SHISA9: variants seen among roughly 807,000 people sequenced by gnomAD.
SHISA9 encodes protein shisa-9.
Under a neutral mutation model 38.0 loss-of-function variants are expected in SHISA9, and 13 were observed. The ratio of observed to expected loss-of-function variants is 0.34; its 90% confidence interval spans 0.22 to 0.54. The LOEUF is 0.54. SHISA9 is among the 20% of genes least tolerant of loss of function. SHISA9 has a pLI of 0.91. For synonymous variants in SHISA9, 275 were observed against 242.0 expected (o/e 1.14, Z -1.27); for missense variants, 538 against 575.8 (o/e 0.93, Z 0.67).
In SHISA9 at chr16:13,019,764, T is replaced by TTTTCTTTCTTTCTTTC. The variant is rs548980425; in HGVS notation, c.691+103005_691+103020dup. On this transcript the variant is annotated intron_variant, in intron 2 of 4. Coordinates refer to ENST00000558583, the MANE Select transcript of SHISA9 (RefSeq NM_001145204.3). ...TTTCTTCCTTCTTTTCTTTTCTTTC[T>TTTTCTTTCTTTCTTTC]TTTCTTTCTTTCTTTCTTTCTTTCT... Among the ~76,000 whole-genome samples, 49 of 77,956 alleles carry TTTTCTTTCTTTCTTTC rather than the reference T, an allele frequency of 6.3e-4. 1 individual carries two copies. Among genetic ancestry groups the TTTTCTTTCTTTCTTTC allele is most frequent in the Middle Eastern group, 7.7e-3 (1 of 130 alleles). 51.1% of individuals were successfully genotyped at this position (77,956 alleles called of 152,430 possible).
chr16:13,017,828 A>C (rs1484972588), intron 2 of SHISA9, among the ~76,000 whole-genome samples: 2 of 152,134 alleles, frequency 1.3e-5, no homozygotes, highest in Non-Finnish European at 2.9e-5. Context: ...CTGGTGATCT[A>C]CTCAAGTCTT....
chr16:13,295,326 G>A, the SHISA9 span, among the ~76,000 whole-genome samples: 2 of 152,194 alleles, frequency 1.3e-5, no homozygotes, highest in Non-Finnish European at 2.9e-5. Flanking sequence ...GGTCTGCTTA[G>A]GAGGATTTTA....
chr16:13,266,914 A>C, the SHISA9 span, among the ~76,000 whole-genome samples: 1 of 152,220 alleles, frequency 6.6e-6, no homozygotes, highest in South Asian at 2.1e-4. Context: ...TGATTCTTGC[A>C]TCAGATTCAA....
chr16:13,044,950 G>A (rs1433079036), intron 2 of SHISA9, among the ~76,000 whole-genome samples: 1 of 152,148 alleles, frequency 6.6e-6, no homozygotes, highest in East Asian at 1.9e-4. Flanking sequence ...CACATTCCAG[G>A]GCGCAGCTTG....
the SHISA9 span, among the ~76,000 whole-genome samples, chr16:13,528,308 A>C: frequency 6.6e-6 from 1 of 151,698 alleles, no homozygotes; most frequent in African/African-American, 2.4e-5. Flanking sequence ...CACACTTCTG[A>C]CTCCCTGCAA....
At chr16:13,250,223 G>C in the SHISA9 span, among the ~76,000 whole-genome samples, 62 of 152,294 alleles carry the variant, frequency 4.1e-4, no homozygotes, top group African/African-American at 1.5e-3. Context: ...CAGACCCTCA[G>C]GTGTGACAGA....
chr16:13,494,909 C>T, the SHISA9 span, among the ~76,000 whole-genome samples: 5 of 152,274 alleles, frequency 3.3e-5, no homozygotes, highest in Admixed American at 2.6e-4. Flanking sequence ...TCTGTCTATA[C>T]ATTGATACAT....
At chr16:13,442,565 A>G in the SHISA9 span, among the ~76,000 whole-genome samples, 13 of 152,258 alleles carry the variant, frequency 8.5e-5, no homozygotes, top group Admixed American at 7.8e-4. Flanking sequence ...TTGGCCTCCC[A>G]AAGTGCTGGG....
chr16:13,451,190 G>A, the SHISA9 span, among the ~76,000 whole-genome samples: 2 of 152,182 alleles, frequency 1.3e-5, no homozygotes, highest in African/African-American at 2.4e-5. Context: ...GTTCCATGCT[G>A]GCTCTTGGAG....
At chr16:13,403,694 T>C in the SHISA9 span, among the ~76,000 whole-genome samples, 1 of 152,318 alleles carries the variant, frequency 6.6e-6, no homozygotes, top group African/African-American at 2.4e-5. Flanking sequence ...TTAAATCATC[T>C]TCTGAGTAGG....
intron 2 of SHISA9, among the ~76,000 whole-genome samples, chr16:12,964,373 T>C (rs1043741267): frequency 6.7e-6 from 1 of 149,294 alleles, no homozygotes; most frequent in Non-Finnish European, 1.5e-5. Flanking sequence ...AATCAAAACA[T>C]TGGACTTTCT....
At chr16:13,143,253 A>G (rs1413812335) in intron 2 of SHISA9, among the ~76,000 whole-genome samples, 1 of 151,818 alleles carries the variant, frequency 6.6e-6, no homozygotes, top group Non-Finnish European at 1.5e-5. Context: ...AAGGTGATCA[A>G]CCCTCCTTGG....
At chr16:13,511,218 A>G in the SHISA9 span, among the ~76,000 whole-genome samples, 1 of 152,240 alleles carries the variant, frequency 6.6e-6, no homozygotes, top group African/African-American at 2.4e-5. Context: ...TCTTTGGGGA[A>G]ATTAGTCACT....
At chr16:13,006,923 G>A (rs1307813663) in intron 2 of SHISA9, among the ~76,000 whole-genome samples, 4 of 152,032 alleles carry the variant, frequency 2.6e-5, no homozygotes, top group African/African-American at 9.7e-5. Flanking sequence ...CTTCTCTCCA[G>A]CCTGTTTCTA....
chr16:13,142,010 G>T (rs1387496647), intron 2 of SHISA9, among the ~76,000 whole-genome samples: 1 of 152,162 alleles, frequency 6.6e-6, no homozygotes, highest in Non-Finnish European at 1.5e-5. Context: ...AACTCAGATT[G>T]TAGAAAGATT....
the SHISA9 span, among the ~76,000 whole-genome samples, chr16:13,440,510 G>T: frequency 1.3e-5 from 2 of 152,204 alleles, no homozygotes; most frequent in Admixed American, 1.3e-4. Context: ...ATTTCAAAAT[G>T]TCAAGACTGA....
intron 1 of SHISA9, among the ~76,000 whole-genome samples, chr16:12,906,828 C>T (rs1272160098): frequency 6.6e-6 from 1 of 152,122 alleles, no homozygotes; most frequent in Non-Finnish European, 1.5e-5. Flanking sequence ...TATTTGGCGG[C>T]GTCTCTGGTC....
At chr16:12,962,001 G>A (rs2071918027) in intron 2 of SHISA9, among the ~76,000 whole-genome samples, 1 of 152,214 alleles carries the variant, frequency 6.6e-6, no homozygotes, top group African/African-American at 2.4e-5. Context: ...CTGTCCCTGT[G>A]GCGACGTCAA....
At chr16:13,534,554 A>AT in the SHISA9 span, among the ~76,000 whole-genome samples, 1 of 152,200 alleles carries the variant, frequency 6.6e-6, no homozygotes, top group East Asian at 1.9e-4. Flanking sequence ...AAGATGGCTA[A>AT]TAACTTCCAA....
Sources: allele counts gnomAD v4.1 joint callset (sites outside exome capture counted in the v4.1 genomes callset), GRCh38; gene constraint gnomAD v4.1.1; transcripts MANE v1.5; gene names NCBI Gene and HGNC (gene_info 2026-07-23, HGNC 2026-07-21).